Variants in FNBP1 observed in about 807,000 individuals in gnomAD.
The protein encoded by FNBP1 is formin binding protein 1.
A neutral mutation model predicts 90.6 loss-of-function variants in FNBP1; 26 were observed. The ratio of observed to expected loss-of-function variants is 0.29; its 90% CI spans 0.21 to 0.40. The LOEUF (loss-of-function observed/expected upper bound fraction) is 0.40. FNBP1 is among the 10% of genes least tolerant of loss of function. The probability of loss-of-function intolerance (pLI) is 1.00; values close to 1 mark genes in which losing one functional copy is unlikely to be tolerated. For missense variants in FNBP1, 635 were observed against 768.0 expected (o/e 0.83, Z 2.05); for synonymous variants, 260 against 265.2 (o/e 0.98, Z 0.19).
chr9:129,938,366 C>G (rs1271874630), intron 6 of FNBP1, among the ~76,000 whole-genome samples: 1 of 152,026 alleles, frequency 6.6e-6, no homozygotes, highest in Non-Finnish European at 1.5e-5. Context: ...TTAAAAATTC[C>G]TTTTCAGATA....
intron 1 of FNBP1, among the ~76,000 whole-genome samples, chr9:130,016,519 G>A (rs538996971): frequency 2.0e-5 from 3 of 152,246 alleles, no homozygotes; most frequent in Admixed American, 6.5e-5. Flanking sequence ...CGAGGCTGGC[G>A]GATCACCTGA....
intron 1 of FNBP1, among the ~76,000 whole-genome samples, chr9:130,039,071 A>G (rs759567575): frequency 9.2e-5 from 14 of 152,218 alleles, no homozygotes; most frequent in Non-Finnish European, 1.6e-4. Flanking sequence ...TCAACAAGTC[A>G]GTGAACATAT....
At chr9:129,994,111 G>A (rs1336496701) in intron 2 of FNBP1, among the ~76,000 whole-genome samples, 1 of 152,068 alleles carries the variant, frequency 6.6e-6, no homozygotes, top group Non-Finnish European at 1.5e-5. Context: ...CACACAAAAA[G>A]CCTTGTACAA....
At chr9:130,018,240 A>G (rs2057453567) in intron 1 of FNBP1, among the ~76,000 whole-genome samples, 1 of 151,918 alleles carries the variant, frequency 6.6e-6, no homozygotes, top group African/African-American at 2.4e-5. Flanking sequence ...GTTTAAAAAA[A>G]AAAGTGTGTT....
At chr9:130,004,015 T>C (rs188109457) in intron 1 of FNBP1, among the ~76,000 whole-genome samples, 65 of 152,086 alleles carry the variant, frequency 4.3e-4, no homozygotes, top group Non-Finnish European at 7.6e-4. Flanking sequence ...GCTATTTACT[T>C]TGAGATGAGG....
At chr9:130,035,714 AGGCG>A (rs2059248592) in intron 1 of FNBP1, among the ~76,000 whole-genome samples, 1 of 152,228 alleles carries the variant, frequency 6.6e-6, no homozygotes, top group Non-Finnish European at 1.5e-5. Flanking sequence ...TGGGAGGCCA[AGGCG>A]GGTGGATCAC....
At chr9:130,012,583 G>C (rs562563995) in intron 1 of FNBP1, among the ~76,000 whole-genome samples, 2 of 152,268 alleles carry the variant, frequency 1.3e-5, no homozygotes, top group Admixed American at 1.3e-4. Context: ...ACTTTTAGGA[G>C]ACAATATAGG....
At chr9:129,899,906 G>C in intron 15 of FNBP1, 59 bp downstream of exon 15, 1 of 1,388,060 alleles carries the variant, frequency 7.2e-7, no homozygotes, top group Non-Finnish European at 9.6e-7. Context: ...TGAAAGAAGA[G>C]TAACTCAGAT....
At chr9:129,941,525 G>T (rs2132338005) in intron 6 of FNBP1, among the ~76,000 whole-genome samples, 1 of 152,220 alleles carries the variant, frequency 6.6e-6, no homozygotes, top group Middle Eastern at 3.4e-3. Context: ...GAGTGCAGTG[G>T]TATGATCACA....
intron 1 of FNBP1, among the ~76,000 whole-genome samples, chr9:130,022,830 C>G (rs955736951): frequency 6.6e-6 from 1 of 152,100 alleles, no homozygotes; most frequent in Non-Finnish European, 1.5e-5. Context: ...TGCGTTAGCA[C>G]GCCCAACTAA....
upstream of FNBP1, among the ~76,000 whole-genome samples, chr9:130,045,590 T>C (rs1210178715): frequency 2.0e-5 from 3 of 152,112 alleles, no homozygotes; most frequent in Admixed American, 6.6e-5. Context: ...AAGCAGGAGA[T>C]TGTTAGTTAT....
At chr9:129,968,861 G>T (rs533011021) in intron 4 of FNBP1, among the ~76,000 whole-genome samples, 17 of 152,286 alleles carry the variant, frequency 1.1e-4, no homozygotes, top group Admixed American at 7.8e-4. Context: ...AACACTTTGT[G>T]AGTAATGAAC....
At chr9:129,987,431 A>C (rs1039311293) in intron 2 of FNBP1, among the ~76,000 whole-genome samples, 1 of 152,066 alleles carries the variant, frequency 6.6e-6, no homozygotes, top group African/African-American at 2.4e-5. Context: ...TATTTTCCTA[A>C]TCTTTTATAG....
At chr9:129,903,819 C>T (rs1402300203) in intron 12 of FNBP1, among the ~76,000 whole-genome samples, 1 of 152,106 alleles carries the variant, frequency 6.6e-6, no homozygotes. Context: ...GCATGAGCCA[C>T]CGAATCTGGC....
intron 6 of FNBP1, among the ~76,000 whole-genome samples, chr9:129,948,689 C>T (rs900132757): frequency 4.6e-5 from 7 of 152,100 alleles, no homozygotes; most frequent in Admixed American, 3.3e-4. Flanking sequence ...ATTACAGGCA[C>T]GTGCCACCAT....
Position 129,957,075 on chromosome 9 carries a change from T to A in FNBP1, c.513+285A>T, listed in dbSNP as rs2047065021. On this transcript the variant is annotated intron_variant, in intron 6 of 16. Transcript: ENST00000446176. The surrounding 1 kb of genome is among the most constrained non-coding windows in gnomAD (Gnocchi z 4.3). ...TTTTTTGGCGATAGTTTCGCTCTTGTTACCCAGGCTGGAGTGCAGTGGCGT... is the reference window on the plus strand; with the variant it reads ...TTTTTTGGCGATAGTTTCGCTCTTGATACCCAGGCTGGAGTGCAGTGGCGT... Among the ~76,000 whole-genome samples the A allele has an allele frequency of 6.6e-6, 1 of 150,812 alleles. No individual in the cohort carries two copies.
the FNBP1 span, among the ~76,000 whole-genome samples, chr9:130,052,655 A>G: frequency 6.6e-6 from 1 of 151,838 alleles, no homozygotes; most frequent in Non-Finnish European, 1.5e-5. Flanking sequence ...GCTGGTCCCG[A>G]ACAACTGACT....
At chr9:130,029,861 G>A (rs1052378290) in intron 1 of FNBP1, among the ~76,000 whole-genome samples, 1 of 152,028 alleles carries the variant, frequency 6.6e-6, no homozygotes, top group East Asian at 1.9e-4. Context: ...TTGCCGGCCT[G>A]TAGTCCCAGC....
chr9:129,929,978 T>C (rs1159883556), intron 6 of FNBP1, among the ~76,000 whole-genome samples: 8 of 152,180 alleles, frequency 5.3e-5, no homozygotes, highest in African/African-American at 1.9e-4. Flanking sequence ...CCAATTTACA[T>C]TATTTGGATG....
Sources: allele counts gnomAD v4.1 joint callset (sites outside exome capture counted in the v4.1 genomes callset), GRCh38; gene constraint gnomAD v4.1.1; non-coding constraint Gnocchi (gnomAD v3.1); transcripts MANE v1.5; gene names NCBI Gene and HGNC (gene_info 2026-07-23, HGNC 2026-07-21).